Variants in KIF13B observed in about 807,000 individuals in gnomAD.
The protein encoded by KIF13B is kinesin family member 13B.
KIF13B carries 127 observed loss-of-function variants against 222.0 expected under a neutral mutation model. That is an observed-to-expected ratio of 0.57 (90% CI 0.50 to 0.66). The LOEUF (loss-of-function observed/expected upper bound fraction) is 0.66, where lower values mean the gene tolerates loss of function less well. KIF13B is among the 30% of genes least tolerant of loss of function. KIF13B has a pLI of 0.00. For synonymous variants in KIF13B, 976 were observed against 919.0 expected, an observed-to-expected ratio of 1.06 and a Z score of -1.12; for missense variants, 2,173 against 2,379.0, an observed-to-expected ratio of 0.91 and a Z score of 1.80.
At chr8:29,237,381 G>A (rs1042955846) in intron 2 of KIF13B, among the ~76,000 whole-genome samples, 1 of 151,954 alleles carries the variant, frequency 6.6e-6, no homozygotes, top group Non-Finnish European at 1.5e-5. Context: ...ACCACTTTAT[G>A]CTGAGTCCAG....
intron 4 of KIF13B, chr8:29,190,767 CGGAACTGAGTTAGA>C: frequency 1.9e-6 from 1 of 516,416 alleles, no homozygotes; most frequent in Non-Finnish European, 3.5e-6. Flanking sequence ...TAGAGAGCAT[CGGAACTGAGTTAGA>C]GGACACCCAG....
rs116552359 is a variant in KIF13B, at chr8:29,099,463, C to T, written c.4216-222G>A. 2.8e-3 allele frequency among the ~76,000 whole-genome samples: 423 copies of T among 152,198 alleles called. 3 individuals are homozygous for T. The highest frequency in any genetic ancestry group is 9.8e-3 in the African/African-American group (408 of 41,510). On this transcript the variant is annotated intron_variant, in intron 35 of 39. Coordinates refer to ENST00000524189, the MANE Select transcript of KIF13B (RefSeq NM_015254.4). ...CCATCATAGCGCATGTAACCTCTAA[C>T]TCTTAGACTCAAGCAATTCTCCCGC...
In KIF13B at chr8:29,140,528, C is replaced by G; in HGVS notation, c.2424G>C (p.Glu808Asp). ...GTAACTTCACATCATAGAAAAGTGA[C>G]TCGAGGAAGACATTGGCCACCCCAA... ...SLIGVANVFL[E>D]SLFYDVKLQY... is the part of the protein sequence containing the mutation. Residue 808 changes from glutamate to aspartate, a missense_variant, in exon 20 of 40, where the codon GAG becomes GAC. Coordinates refer to ENST00000524189, the MANE Select transcript of KIF13B (RefSeq NM_015254.4). 1.9e-6 allele frequency: 3 copies of G among 1,613,916 alleles called. No homozygotes were observed. Among genetic ancestry groups the G allele is most frequent in the Non-Finnish European group, 2.5e-6 (3 of 1,179,856 alleles).
chr8:29,175,774 A>T (rs1175055491), intron 10 of KIF13B, among the ~76,000 whole-genome samples: 1 of 152,240 alleles, frequency 6.6e-6, no homozygotes, highest in Non-Finnish European at 1.5e-5. Flanking sequence ...CACAGTGGTC[A>T]GATTAGCAGG....
intron 23 of KIF13B, among the ~76,000 whole-genome samples, chr8:29,131,822 C>T (rs961863717): frequency 3.3e-5 from 5 of 152,238 alleles, no homozygotes; most frequent in Non-Finnish European, 7.3e-5. Flanking sequence ...CAGTCCACTT[C>T]CCTAAGGAAG....
rs1168243328 is a variant in KIF13B at position 29,181,922 on chromosome 8, G to A, written c.582C>T (p.Tyr194=). ...TTCACATACAGGATGTTGTTACCTT[G>A]TAGCTTGTGACAGCCAGTTTAGAAA... ...DGLSKLAVTS[Y]KDIESLMSEG... The change falls in exon 7 of 40, where the codon TAC becomes TAT. Residue 194 remains tyrosine (Y), a synonymous_variant. Coordinates refer to ENST00000524189, the MANE Select transcript of KIF13B (RefSeq NM_015254.4). 2 of 1,611,414 alleles carry A rather than the reference G, an allele frequency of 1.2e-6. No individual in the cohort carries two copies. Among genetic ancestry groups the A allele is most frequent in the South Asian group, 1.1e-5 (1 of 90,880 alleles).
chr8:29,108,521 C>T (rs544594539), intron 34 of KIF13B, among the ~76,000 whole-genome samples: 7 of 152,304 alleles, frequency 4.6e-5, no homozygotes, highest in Admixed American at 1.3e-4. Context: ...CTAACCATGG[C>T]CTGAGCTTAT....
intron 17 of KIF13B, among the ~76,000 whole-genome samples, chr8:29,146,748 C>G (rs138674305): frequency 6.6e-6 from 1 of 152,190 alleles, no homozygotes; most frequent in African/African-American, 2.4e-5. Flanking sequence ...AGCAGCCACA[C>G]AGCAAGCCGG....
chr8:29,109,926 G>A lies in KIF13B; in HGVS notation c.4075C>T (p.Leu1359=). The change falls in exon 33 of 40, where the codon CTG becomes TTG. Residue 1359 remains leucine (L), a synonymous_variant. Coordinates refer to ENST00000524189, the MANE Select transcript of KIF13B (RefSeq NM_015254.4). ...CCATGCGGTTGGCTAACCTGGCGCA[G>A]ACGATCTAAAGTCAGGAGGTTTTCT... The part of the protein sequence containing the change: ...AVENLLTLDR[L]RQEVAVKEQL... 1 of 1,613,534 alleles carries A rather than the reference G, an allele frequency of 6.2e-7. No individual in the cohort carries two copies. The highest frequency in any genetic ancestry group is 8.5e-7 in the Non-Finnish European group (1 of 1,179,770).
At chr8:29,075,433 C>A in intron 37 of KIF13B, 90 bp from the exon 38 acceptor site, 1 of 1,210,584 alleles carries the variant, frequency 8.3e-7, no homozygotes, top group Non-Finnish European at 1.2e-6. Context: ...GGGCCAGGAC[C>A]TGCCCGAGGG....
intron 24 of KIF13B, among the ~76,000 whole-genome samples, chr8:29,128,312 C>G (rs7007226): frequency 0.12 from 17,944 of 152,012 alleles, 1,139 homozygotes; most frequent in South Asian, 0.15. Flanking sequence ...TGTAAAATAG[C>G]ATTTGAAAAA....
chr8:29,250,167 T>C (rs1411105435), intron 1 of KIF13B: 3 of 613,980 alleles, frequency 4.9e-6, no homozygotes, highest in African/African-American at 1.9e-5. Context: ...CATTAGTTTC[T>C]TGCAAGAACA....
Position 29,092,885 on chromosome 8 carries a change from A to G in KIF13B, c.4325-7T>C, listed in dbSNP as rs1808366816. On this transcript the variant is annotated splice_polypyrimidine_tract_variant and splice_region_variant and intron_variant, in intron 36 of 39. Transcript: ENST00000524189. ...GCTGCAAGGTTACTGAGTCCTGCCC[A>G]TATTACAGGGGAAAAAGATAAAACA... 2.5e-6 allele frequency: 4 copies of G among 1,598,050 alleles called. No homozygotes were observed. Among genetic ancestry groups the G allele is most frequent in the East Asian group, 4.5e-5 (2 of 44,496 alleles).
At chr8:29,141,839 C>G (rs568833015) in intron 19 of KIF13B, among the ~76,000 whole-genome samples, 1 of 152,260 alleles carries the variant, frequency 6.6e-6, no homozygotes, top group South Asian at 2.1e-4. Context: ...AATAATGAGG[C>G]CTGGCCTCTG....
At chr8:29,108,214 G>A in intron 34 of KIF13B, 22 bp from the exon 35 acceptor site, 5 of 1,607,836 alleles carry the variant, frequency 3.1e-6, no homozygotes, top group South Asian at 1.1e-5. Context: ...AGAAAGGGGG[G>A]TTAGTTATTT....
intron 1 of KIF13B, among the ~76,000 whole-genome samples, chr8:29,262,414 T>C (rs1054511149): frequency 3.3e-5 from 5 of 152,178 alleles, no homozygotes; most frequent in Non-Finnish European, 1.5e-5. Context: ...CTGACCCCAA[T>C]CTCAGGACGC....
chr8:29,072,420 CTCA>C (rs1807342494), intron 38 of KIF13B, 104 bp from the exon 39 acceptor site: 1 of 711,954 alleles, frequency 1.4e-6, no homozygotes, highest in Non-Finnish European at 2.0e-6. Context: ...GGGGCAGTGG[CTCA>C]GCCTGTAACC....
chr8:29,133,827 T>C (rs1016482240), intron 22 of KIF13B, among the ~76,000 whole-genome samples: 4 of 152,246 alleles, frequency 2.6e-5, no homozygotes, highest in Admixed American at 1.3e-4. Context: ...TATGCATATA[T>C]ACATACATAT....
intron 2 of KIF13B, among the ~76,000 whole-genome samples, chr8:29,203,472 TG>T (rs1813789322): frequency 6.6e-6 from 1 of 152,212 alleles, no homozygotes; most frequent in Admixed American, 6.5e-5. Context: ...AGAAGTATTA[TG>T]GGGAAAATAA....
Sources: allele counts gnomAD v4.1 joint callset (sites outside exome capture counted in the v4.1 genomes callset), GRCh38; gene constraint gnomAD v4.1.1; transcripts MANE v1.5; gene names NCBI Gene and HGNC (gene_info 2026-07-23, HGNC 2026-07-21).